The following TRHDE variants were observed in gnomAD, a reference collection of about 807,000 sequenced individuals.
TRHDE encodes the protein thyrotropin-releasing hormone-degrading ectoenzyme.
In TRHDE, 72 loss-of-function variants were observed where a neutral mutation model predicts 125.7. That is an observed-to-expected ratio of 0.57 (90% CI 0.47 to 0.70). TRHDE has a LOEUF of 0.70. Among genes scored for constraint, TRHDE ranks in the 30% least tolerant of loss-of-function variants. The pLI is 0.00. For synonymous variants in TRHDE, 509 were observed against 509.1 expected (o/e 1.00, Z 0.00); for missense variants, 1,110 against 1,327.1 (o/e 0.84, Z 2.54).
chr12:72,604,742 T>C (rs571432158), intron 12 of TRHDE, among the ~76,000 whole-genome samples: 4 of 152,230 alleles, frequency 2.6e-5, no homozygotes, highest in East Asian at 3.9e-4. Flanking sequence ...TGTATTTTCA[T>C]TGATGCTTCA....
chr12:72,420,554 G>A (rs1018990979), intron 3 of TRHDE, among the ~76,000 whole-genome samples: 5 of 152,040 alleles, frequency 3.3e-5, no homozygotes, highest in Non-Finnish European at 5.9e-5. Context: ...CATAGATAGG[G>A]GAATCTGAAA....
At chr12:72,609,756 TC>T (rs1315779857) in intron 12 of TRHDE, among the ~76,000 whole-genome samples, 5 of 152,226 alleles carry the variant, frequency 3.3e-5, no homozygotes, top group Non-Finnish European at 5.9e-5. Flanking sequence ...TTTTCTAGTT[TC>T]CTGTTATTCA....
intron 6 of TRHDE, among the ~76,000 whole-genome samples, chr12:72,535,745 T>C (rs1241111814): frequency 6.6e-6 from 1 of 151,990 alleles, no homozygotes; most frequent in Non-Finnish European, 1.5e-5. Context: ...ATTTAAGGTA[T>C]GCTTTTATTC....
intron 2 of TRHDE, among the ~76,000 whole-genome samples, chr12:72,187,550 A>G (rs997712501): frequency 5.3e-5 from 8 of 151,000 alleles, no homozygotes; most frequent in Admixed American, 6.6e-5. Context: ...GGCATGATGT[A>G]TCAGTCCCAG....
intron 6 of TRHDE, among the ~76,000 whole-genome samples, chr12:72,517,565 A>G (rs1164671795): frequency 6.6e-6 from 1 of 151,892 alleles, no homozygotes; most frequent in Non-Finnish European, 1.5e-5. Context: ...CTAGCGGTCT[A>G]TCAGTTTTGT....
At chr12:72,239,891 C>T (rs986345118) in intron 2 of TRHDE, among the ~76,000 whole-genome samples, 1 of 152,060 alleles carries the variant, frequency 6.6e-6, no homozygotes, top group African/African-American at 2.4e-5. Flanking sequence ...AGAAAATGAA[C>T]TTTGTCTGTC....
intron 6 of TRHDE, among the ~76,000 whole-genome samples, chr12:72,525,626 TGTGTGTGTGAGAGA>T (rs1476531746): frequency 6.7e-6 from 1 of 148,584 alleles, no homozygotes; most frequent in African/African-American, 2.5e-5. Context: ...TGTGTGTGTG[TGTGTGTGTGAGAGA>T]GAGAGAGAGA....
chr12:72,586,748 C>T (rs1052786910), intron 12 of TRHDE, among the ~76,000 whole-genome samples: 2 of 143,102 alleles, frequency 1.4e-5, no homozygotes, highest in African/African-American at 5.2e-5. Context: ...AACAGAAATT[C>T]AGTATAAACT....
At chr12:72,622,657 G>A (rs1873100964) in intron 15 of TRHDE, among the ~76,000 whole-genome samples, 1 of 151,992 alleles carries the variant, frequency 6.6e-6, no homozygotes, top group African/African-American at 2.4e-5. Flanking sequence ...CACTTGTACT[G>A]GTTAAACTTA....
At chr12:72,444,125 G>A (rs1396024273) in intron 3 of TRHDE, among the ~76,000 whole-genome samples, 1 of 151,744 alleles carries the variant, frequency 6.6e-6, no homozygotes, top group Admixed American at 6.6e-5. Flanking sequence ...TATAGGCAAA[G>A]CTAAAAAAAC....
chr12:72,164,715 T>C (rs917840386), intron 2 of TRHDE, among the ~76,000 whole-genome samples: 3 of 152,138 alleles, frequency 2.0e-5, no homozygotes, highest in Non-Finnish European at 4.4e-5. Flanking sequence ...CAGCATGTAG[T>C]TTGTATAGCA....
intron 2 of TRHDE, among the ~76,000 whole-genome samples, chr12:72,238,319 T>TATATAC (rs1878394816): frequency 3.5e-5 from 1 of 28,694 alleles, no homozygotes; most frequent in Admixed American, 4.2e-4. Flanking sequence ...TATATATATA[T>TATATAC]ATACATATAT....
At position 72,663,145 on chromosome 12, in the gene TRHDE, C is replaced by G. The variant is rs766269739; in HGVS notation, c.3160C>G (p.Leu1054Val). 6.2e-7 allele frequency: 1 copy of G among 1,612,844 alleles called. No individual in the cohort carries two copies. The highest frequency in any genetic ancestry group is 8.5e-7 in the Non-Finnish European group (1 of 1,179,406). Residue 1054 changes from leucine (L) to valine (V), a missense_variant, in exon 19 of 19, where the codon CTT becomes GTT. Leu to Val is a conservative substitution (Grantham distance 32). This residue lies in a region of TRHDE where 527 missense variants were observed against 651.8 expected (regional missense o/e 0.81). Coordinates refer to ENST00000261180, the MANE Select transcript of TRHDE (RefSeq NM_013381.3). ...CGAAGCCAATGTGCGCTGGAAAATG[C>G]TTTACCAAGACGAGCTTTTCCAATG... is the stretch of plus-strand genomic sequence containing the variant. ...TVEANVRWKM[L>V]YQDELFQWLG...
intron 2 of TRHDE, among the ~76,000 whole-genome samples, chr12:72,354,262 A>G (rs1318122069): frequency 1.3e-5 from 2 of 151,718 alleles, no homozygotes; most frequent in African/African-American, 2.4e-5. Flanking sequence ...ATATTGTTAC[A>G]TGTAAAAAAA....
At chr12:72,296,810 C>A (rs561910399) in intron 2 of TRHDE, among the ~76,000 whole-genome samples, 1 of 151,932 alleles carries the variant, frequency 6.6e-6, no homozygotes, top group Admixed American at 6.6e-5. Context: ...AGGAGCAGAG[C>A]CAATAGGTTC....
intron 3 of TRHDE, among the ~76,000 whole-genome samples, chr12:72,424,390 T>A (rs1163232572): frequency 6.6e-6 from 1 of 152,154 alleles, no homozygotes; most frequent in Non-Finnish European, 1.5e-5. Flanking sequence ...TGCTTCAAGC[T>A]ACAAAGACCC....
intron 2 of TRHDE, among the ~76,000 whole-genome samples, chr12:72,229,819 C>T (rs181478607): frequency 6.6e-6 from 1 of 151,978 alleles, no homozygotes; most frequent in Non-Finnish European, 1.5e-5. Flanking sequence ...TGGAAAACTC[C>T]CTAATGCACA....
chr12:72,234,771 C>A (rs930053221), intron 2 of TRHDE, among the ~76,000 whole-genome samples: 1 of 152,014 alleles, frequency 6.6e-6, no homozygotes, highest in Non-Finnish European at 1.5e-5. Flanking sequence ...AGAAGGTTAC[C>A]TTTTAATGAA....
chr12:72,224,922 A>C (rs1443513812), intron 2 of TRHDE, among the ~76,000 whole-genome samples: 1 of 152,156 alleles, frequency 6.6e-6, no homozygotes, highest in African/African-American at 2.4e-5. Flanking sequence ...TATCTCACTC[A>C]GCACTTCATA....
Sources: gnomAD v4.1 joint callset for allele counts (sites outside exome capture counted in the v4.1 genomes callset) on GRCh38, gnomAD v4.1.1 for gene constraint, gnomAD v4.1.1 regional missense constraint, MANE v1.5 for transcripts, NCBI Gene and HGNC (gene_info 2026-07-23, HGNC 2026-07-21) for gene names.